Variants in HHAT observed in about 807,000 individuals in gnomAD.
HHAT encodes the protein hedgehog acyltransferase, also known as protein-cysteine N-palmitoyltransferase HHAT.
HHAT carries 47 observed loss-of-function variants against 70.8 expected under a neutral mutation model. That is an observed-to-expected ratio of 0.66 (90% confidence interval 0.53 to 0.85). HHAT has a LOEUF of 0.85. HHAT is among the 40% of genes least tolerant of loss of function. HHAT has a pLI of 0.00. For synonymous variants in HHAT, 228 were observed against 247.6 expected, an observed-to-expected ratio of 0.92 and a Z score of 0.74; for missense variants, 609 against 604.8, an observed-to-expected ratio of 1.01 and a Z score of -0.07.
chr1:210,638,284 C>T (rs935495258), intron 11 of HHAT, among the ~76,000 whole-genome samples: 3 of 152,120 alleles, frequency 2.0e-5, no homozygotes, highest in Non-Finnish European at 4.4e-5. Context: ...AAAGTAGAAA[C>T]AATCCAAACA....
At chr1:210,544,367 G>GTTTTTTTTTTTTTTTTTTTTTTTTTTTCT (rs569514246) in intron 9 of HHAT, among the ~76,000 whole-genome samples, 16 of 90,052 alleles carry the variant, frequency 1.8e-4, no homozygotes, top group African/African-American at 3.0e-4. Flanking sequence ...TCTTTCTTTC[G>GTTTTTTTTTTTTTTTTTTTTTTTTTTTCT]TTTTTTTTTT....
At chr1:210,359,552 G>A (rs1028902396) in intron 2 of HHAT, among the ~76,000 whole-genome samples, 13 of 152,102 alleles carry the variant, frequency 8.5e-5, no homozygotes, top group Admixed American at 8.5e-4. Context: ...CAGCAGGACA[G>A]CTTTGACTCC....
rs74156157 is a variant in HHAT, at chr1:210,428,437, C to G, written c.856+10112C>G. Reference sequence around the variant, plus strand: ...TCTTGTTTGATACCCAGACAGTAATCATATTTTACTAAGGTCCTTTATATC... The same window carrying G: ...TCTTGTTTGATACCCAGACAGTAATGATATTTTACTAAGGTCCTTTATATC... On this transcript the variant is annotated intron_variant, in intron 7 of 11. Transcript: ENST00000261458. Among the ~76,000 whole-genome samples, 666 of 150,098 alleles carry G rather than the reference C, an allele frequency of 4.4e-3. 12 individuals are homozygous for G. Among genetic ancestry groups the G allele is most frequent in the African/African-American group, 0.016 (639 of 40,266 alleles).
intron 1 of HHAT, among the ~76,000 whole-genome samples, chr1:210,341,348 C>G (rs953061144): frequency 6.6e-6 from 1 of 152,158 alleles, no homozygotes; most frequent in South Asian, 2.1e-4. Flanking sequence ...TTGCCTGCAT[C>G]AGAAGTAAAG....
intron 2 of HHAT, among the ~76,000 whole-genome samples, chr1:210,358,800 C>T (rs932443968): frequency 6.6e-6 from 1 of 152,130 alleles, no homozygotes; most frequent in African/African-American, 2.4e-5. Flanking sequence ...CTGATTATTG[C>T]CCTCTTACTA....
rs765860054 is a variant in HHAT, at chr1:210,464,703, G to A, written c.1007+48G>A. On this transcript the variant is annotated intron_variant, in intron 8 of 11. Transcript: ENST00000261458. Reference sequence around the variant, plus strand: ...GTTGGTCAGGCATGTCCAGTGGGAGGAGCATGGCTGGGCCGGCCTCAAAGG... The same window carrying A: ...GTTGGTCAGGCATGTCCAGTGGGAGAAGCATGGCTGGGCCGGCCTCAAAGG... 37 of 1,607,170 alleles carry A rather than the reference G, an allele frequency of 2.3e-5. No homozygotes were observed. In the South Asian group the frequency reaches 3.0e-4, roughly 13 times the overall value.
intron 10 of HHAT, among the ~76,000 whole-genome samples, chr1:210,595,826 T>C (rs1184602623): frequency 6.6e-6 from 1 of 152,222 alleles, no homozygotes; most frequent in African/African-American, 2.4e-5. Flanking sequence ...TGTTTTTTTT[T>C]CTTGTAAATT....
chr1:210,340,134 G>A (rs1398483249), intron 1 of HHAT, among the ~76,000 whole-genome samples: 1 of 148,754 alleles, frequency 6.7e-6, no homozygotes. Context: ...GAGGCCAGGA[G>A]TTCAAGACCA....
intron 7 of HHAT, among the ~76,000 whole-genome samples, chr1:210,443,109 C>T (rs1311785619): frequency 6.6e-6 from 1 of 152,102 alleles, no homozygotes; most frequent in African/African-American, 2.4e-5. Flanking sequence ...GGAATCCTTT[C>T]CCCATTGCTT....
chr1:210,589,860 A>G (rs1661276520), intron 10 of HHAT: 2 of 152,220 alleles, frequency 1.3e-5, no homozygotes, highest in Admixed American at 1.3e-4. Context: ...TTGACCTTCC[A>G]TCTACAATTC....
chr1:210,637,082 T>C (rs1282999524), intron 11 of HHAT, among the ~76,000 whole-genome samples: 1 of 152,184 alleles, frequency 6.6e-6, no homozygotes, highest in East Asian at 1.9e-4. Flanking sequence ...ATAATAAATA[T>C]AACCTTACAC....
intron 9 of HHAT, among the ~76,000 whole-genome samples, chr1:210,539,086 A>C (rs928119391): frequency 5.9e-5 from 9 of 152,196 alleles, no homozygotes; most frequent in Non-Finnish European, 7.4e-5. Context: ...GGAAAAAAGA[A>C]AATCACAGAA....
intron 9 of HHAT, among the ~76,000 whole-genome samples, chr1:210,528,715 T>TTG (rs35603213): frequency 0.27 from 41,000 of 151,864 alleles, 5,743 homozygotes; most frequent in East Asian, 0.42. Flanking sequence ...TTTGCAATGA[T>TTG]GTACATTTTT....
Position 210,584,025 on chromosome 1 carries a change from C to T in HHAT, c.1044-3873C>T, listed in dbSNP as rs939373861. Among the ~76,000 whole-genome samples the T allele has an allele frequency of 2.1e-5, 3 of 141,964 alleles. No individual in the cohort carries two copies. In the Admixed American group the frequency reaches 2.3e-4, roughly 11 times the overall value. 93.1% of individuals were successfully genotyped at this position (141,964 alleles called of 152,430 possible). On this transcript the variant is annotated intron_variant, in intron 9 of 11. Coordinates refer to ENST00000261458, the MANE Select transcript of HHAT (RefSeq NM_018194.6). Reference sequence around the variant, plus strand: ...TGGAGGGCAGTGGTACTTACTGCAACCTCCGCCTCCCAGGTTCAAGCAATT... The same window carrying T: ...TGGAGGGCAGTGGTACTTACTGCAATCTCCGCCTCCCAGGTTCAAGCAATT...
chr1:210,494,111 A>G (rs537010789), intron 8 of HHAT, among the ~76,000 whole-genome samples: 110 of 152,308 alleles, frequency 7.2e-4, no homozygotes, highest in African/African-American at 2.4e-3. Context: ...CTAAATCTCA[A>G]TCTGCTTCTG....
chr1:210,476,484 C>T (rs775813635), intron 8 of HHAT, among the ~76,000 whole-genome samples: 35 of 152,132 alleles, frequency 2.3e-4, no homozygotes, highest in Non-Finnish European at 4.9e-4. Context: ...ATTAGAAATT[C>T]CTCTCACTCA....
chr1:210,541,630 G>C (rs754354463), intron 9 of HHAT, among the ~76,000 whole-genome samples: 11 of 152,214 alleles, frequency 7.2e-5, no homozygotes, highest in Non-Finnish European at 1.2e-4. Flanking sequence ...AGGAGGGTAA[G>C]GCAGGAGAAT....
chr1:210,668,107 C>A (rs1327621845), intron 11 of HHAT, among the ~76,000 whole-genome samples: 1 of 152,134 alleles, frequency 6.6e-6, no homozygotes, highest in African/African-American at 2.4e-5. Flanking sequence ...AATATGATGT[C>A]TTTAGGGTTC....
chr1:210,542,344 C>A (rs1318619290), intron 9 of HHAT, among the ~76,000 whole-genome samples: 1 of 152,156 alleles, frequency 6.6e-6, no homozygotes, highest in Non-Finnish European at 1.5e-5. Flanking sequence ...ACATGGTCAT[C>A]CCTCTGGTGT....
Sources: allele counts gnomAD v4.1 joint callset (sites outside exome capture counted in the v4.1 genomes callset), GRCh38; gene constraint gnomAD v4.1.1; transcripts MANE v1.5; gene names NCBI Gene and HGNC (gene_info 2026-07-23, HGNC 2026-07-21).